Variants in ARHGAP15 observed in about 807,000 individuals in gnomAD.
The protein encoded by ARHGAP15 is rho GTPase-activating protein 15.
In ARHGAP15, 51 loss-of-function variants were observed where a neutral mutation model predicts 63.7. The observed-to-expected ratio is 0.80, with a 90% confidence interval of 0.64 to 1.01. The LOEUF is 1.01. ARHGAP15 is among the 50% of genes least tolerant of loss of function. The pLI is 0.00. For synonymous variants in ARHGAP15, 191 were observed against 193.8 expected (o/e 0.99, Z 0.12); for missense variants, 560 against 564.6 (o/e 0.99, Z 0.08).
chr2:143,598,819 A>C (rs1697633220), intron 11 of ARHGAP15, among the ~76,000 whole-genome samples: 1 of 152,118 alleles, frequency 6.6e-6, no homozygotes, highest in African/African-American at 2.4e-5. Context: ...CAGGAGGCTG[A>C]AGTGAGAGGA....
At chr2:143,395,047 T>C (rs2104979504) in intron 6 of ARHGAP15, among the ~76,000 whole-genome samples, 1 of 152,298 alleles carries the variant, frequency 6.6e-6, no homozygotes, top group South Asian at 2.1e-4. Context: ...TACTACCACA[T>C]TTAGCAACCA....
At chr2:143,716,226 G>A (rs765765375) in intron 13 of ARHGAP15, among the ~76,000 whole-genome samples, 1 of 152,158 alleles carries the variant, frequency 6.6e-6, no homozygotes, top group Non-Finnish European at 1.5e-5. Context: ...TTAAAAGGGT[G>A]CAAGCACTAC....
intron 11 of ARHGAP15, among the ~76,000 whole-genome samples, chr2:143,601,106 G>C (rs914452351): frequency 1.3e-5 from 2 of 152,074 alleles, no homozygotes; most frequent in African/African-American, 4.8e-5. Flanking sequence ...CCCTAAACTG[G>C]TCTTCATAGC....
Position 143,557,057 on chromosome 2 carries a change from A to G in ARHGAP15, c.1003+572A>G, listed in dbSNP as rs368092651. ...CATTCATTGCTGGCGGAAGTGCGAA[A>G]TGATTGAGTCACTTTGGAAGAAAAT... On this transcript the variant is annotated intron_variant, in intron 11 of 13. Coordinates refer to ENST00000295095, the MANE Select transcript of ARHGAP15 (RefSeq NM_018460.4). Among the ~76,000 whole-genome samples the G allele has an allele frequency of 4.6e-5, 7 of 152,258 alleles. No individual in the cohort carries two copies. In the East Asian group the frequency reaches 1.4e-3, roughly 29 times the overall value.
At chr2:143,575,075 C>T (rs567821490) in intron 11 of ARHGAP15, among the ~76,000 whole-genome samples, 26 of 152,220 alleles carry the variant, frequency 1.7e-4, no homozygotes, top group Non-Finnish European at 7.4e-5. Context: ...AATACCAACT[C>T]GCAAATCACA....
intron 4 of ARHGAP15, among the ~76,000 whole-genome samples, chr2:143,227,337 TCATTGACTCAATA>T (rs1405969380): frequency 6.6e-6 from 1 of 152,180 alleles, no homozygotes; most frequent in Admixed American, 6.5e-5. Context: ...CAAAGTTCAG[TCATTGACTCAATA>T]CATATGTATT....
chr2:143,384,639 A>G (rs1052489201), intron 6 of ARHGAP15, among the ~76,000 whole-genome samples: 8 of 151,866 alleles, frequency 5.3e-5, no homozygotes, highest in African/African-American at 1.9e-4. Flanking sequence ...ATTTGAAAAG[A>G]GATTTGGATA....
intron 2 of ARHGAP15, among the ~76,000 whole-genome samples, chr2:143,174,152 G>T (rs1356945525): frequency 6.6e-6 from 1 of 151,992 alleles, no homozygotes; most frequent in African/African-American, 2.4e-5. Context: ...GTACCTGGTG[G>T]ATTATATATT....
At chr2:143,399,936 A>T (rs1687924871) in intron 6 of ARHGAP15, among the ~76,000 whole-genome samples, 1 of 152,106 alleles carries the variant, frequency 6.6e-6, no homozygotes, top group South Asian at 2.1e-4. Flanking sequence ...GCAACAGATT[A>T]GTCAACAAAT....
intron 12 of ARHGAP15, among the ~76,000 whole-genome samples, chr2:143,647,737 A>G (rs1219372992): frequency 6.6e-6 from 1 of 152,036 alleles, no homozygotes; most frequent in Non-Finnish European, 1.5e-5. Flanking sequence ...GTCGCTTTAT[A>G]TAATGTTAAA....
chr2:143,759,757 A>G lies in ARHGAP15; in HGVS notation c.1245-8232A>G, dbSNP rs529389964. Among the ~76,000 whole-genome samples, 3 of 152,218 alleles carry G rather than the reference A, an allele frequency of 2.0e-5. No individual in the cohort carries two copies. The South Asian group carries it at 6.2e-4, about 32-fold the overall frequency. ...CTCTGCTCAAATCTCCCTTCCTTAG[A>G]GAGGGCTTCCCTGAGCACTCCGTCT... On this transcript the variant is annotated intron_variant, in intron 13 of 13. Coordinates refer to ENST00000295095, the MANE Select transcript of ARHGAP15 (RefSeq NM_018460.4).
intron 11 of ARHGAP15, among the ~76,000 whole-genome samples, chr2:143,622,090 A>T (rs1199334393): frequency 6.6e-6 from 1 of 152,048 alleles, no homozygotes; most frequent in African/African-American, 2.4e-5. Context: ...ACATTTTCTA[A>T]ATGTGTTTTA....
At chr2:143,215,235 G>A (rs1033014711) in intron 3 of ARHGAP15, among the ~76,000 whole-genome samples, 8 of 152,114 alleles carry the variant, frequency 5.3e-5, no homozygotes, top group African/African-American at 1.9e-4. Flanking sequence ...ATCATGGAAA[G>A]ACCCTCTAAT....
intron 6 of ARHGAP15, among the ~76,000 whole-genome samples, chr2:143,391,669 G>A (rs1687543575): frequency 6.6e-6 from 1 of 152,164 alleles, no homozygotes; most frequent in African/African-American, 2.4e-5. Context: ...CTCTGTGGCT[G>A]TCAGAAGTTA....
intron 2 of ARHGAP15, among the ~76,000 whole-genome samples, chr2:143,169,040 CCTCTTTAGAATTTCTCGA>C (rs1419671360): frequency 1.3e-5 from 2 of 152,022 alleles, no homozygotes; most frequent in Non-Finnish European, 2.9e-5. Context: ...TGGCCAAGGG[CCTCTTTAGAATTTCTCGA>C]CTTGCAACTG....
At chr2:143,445,507 G>T (rs1202281695) in intron 8 of ARHGAP15, among the ~76,000 whole-genome samples, 1 of 152,040 alleles carries the variant, frequency 6.6e-6, no homozygotes, top group Admixed American at 6.6e-5. Context: ...ATTGCTCTTG[G>T]AATTAGAGTC....
intron 13 of ARHGAP15, among the ~76,000 whole-genome samples, chr2:143,723,264 G>A (rs545647205): frequency 6.6e-6 from 1 of 152,190 alleles, no homozygotes; most frequent in African/African-American, 2.4e-5. Context: ...TATCCCCCTC[G>A]TTAAGTGACA....
intron 6 of ARHGAP15, among the ~76,000 whole-genome samples, chr2:143,364,111 C>G (rs772972841): frequency 1.3e-5 from 2 of 151,718 alleles, no homozygotes; most frequent in Admixed American, 1.3e-4. Flanking sequence ...TAAGAGGTAC[C>G]GGGGAAGCCA....
intron 1 of ARHGAP15, among the ~76,000 whole-genome samples, chr2:143,138,248 C>G (rs1008753259): frequency 6.6e-6 from 1 of 151,840 alleles, no homozygotes; most frequent in Non-Finnish European, 1.5e-5. Flanking sequence ...GAATTTGTAT[C>G]CCCATTTTAA....
Sources: allele counts gnomAD v4.1 joint callset (sites outside exome capture counted in the v4.1 genomes callset), GRCh38; gene constraint gnomAD v4.1.1; transcripts MANE v1.5; gene names NCBI Gene and HGNC (gene_info 2026-07-23, HGNC 2026-07-21).